The following CACNB1 variants were observed in gnomAD, a reference collection of about 807,000 sequenced individuals.
The protein encoded by CACNB1 is calcium voltage-gated channel auxiliary subunit beta 1.
Under a neutral mutation model 71.6 loss-of-function variants are expected in CACNB1, and 29 were observed. The ratio of observed to expected loss-of-function variants is 0.40; its 90% confidence interval spans 0.30 to 0.55. The LOEUF (loss-of-function observed/expected upper bound fraction) is 0.55. CACNB1 is among the 20% of genes least tolerant of loss of function. CACNB1 has a pLI of 0.38. For synonymous variants in CACNB1, 300 were observed against 319.6 expected, an observed-to-expected ratio of 0.94 and a Z score of 0.65; for missense variants, 623 against 801.8, an observed-to-expected ratio of 0.78 and a Z score of 2.69.
At chr17:39,191,731 G>A (rs766676210) in intron 2 of CACNB1, 138 bp from the exon 3 acceptor site, 5 of 755,372 alleles carry the variant, frequency 6.6e-6, no homozygotes, top group Non-Finnish European at 1.0e-5. Flanking sequence ...GCTAAGACAA[G>A]GTGGTATTAG....
chr17:39,189,765 C>T (rs555285074), intron 3 of CACNB1, among the ~76,000 whole-genome samples: 4 of 151,002 alleles, frequency 2.6e-5, no homozygotes, highest in East Asian at 2.1e-4. Context: ...CCCAAAGTGC[C>T]GGGATTACAG....
At chr17:39,185,934 A>G in intron 6 of CACNB1, 1 of 1,608,422 alleles carries the variant, frequency 6.2e-7, no homozygotes, top group Non-Finnish European at 8.5e-7. Flanking sequence ...TCTTGCAAGA[A>G]CACAGCGAGA....
Position 39,186,938 on chromosome 17 carries a change from A to T in CACNB1, c.415-9T>A, listed in dbSNP as rs1012959353. 1 of 1,613,394 alleles carries T rather than the reference A, an allele frequency of 6.2e-7. No homozygotes were observed. The highest frequency in any genetic ancestry group is 1.3e-5 in the African/African-American group (1 of 75,040). ...CAGTCATTATTGTATTTCTGCAAAGAATATGGCAGGTGGGTGGAAAGAGCA... is the reference window on the plus strand; with the variant it reads ...CAGTCATTATTGTATTTCTGCAAAGTATATGGCAGGTGGGTGGAAAGAGCA... On this transcript the variant is annotated splice_polypyrimidine_tract_variant and intron_variant, in intron 4 of 13. Transcript: ENST00000394303. This position sits in a 1 kb window ranked among gnomAD's most constrained non-coding sequence, Gnocchi z 4.1.
chr17:39,196,267 C>A (rs574569494), intron 1 of CACNB1, among the ~76,000 whole-genome samples: 43 of 152,204 alleles, frequency 2.8e-4, no homozygotes, highest in Non-Finnish European at 4.6e-4. Context: ...CAGACATATA[C>A]CCCAACTCAA....
chr17:39,187,424 C>T (rs1464948818), intron 4 of CACNB1, 55 bp downstream of exon 4: 54 of 1,608,284 alleles, frequency 3.4e-5, no homozygotes, highest in Non-Finnish European at 4.3e-5. Context: ...TCCACTAGCA[C>T]TCTGGCTGCC....
chr17:39,193,514 G>A, intron 2 of CACNB1: 1 of 444,468 alleles, frequency 2.2e-6, no homozygotes, highest in South Asian at 1.6e-5. Flanking sequence ...GCTGGCCTAG[G>A]GGGTGGCCCA....
At chr17:39,196,545 G>A (rs1039797257) in intron 1 of CACNB1, among the ~76,000 whole-genome samples, 2 of 152,126 alleles carry the variant, frequency 1.3e-5, no homozygotes, top group Non-Finnish European at 2.9e-5. Flanking sequence ...AAGAGTTAAT[G>A]CTATCCTTGG....
At chr17:39,192,394 C>G (rs147254416) in intron 2 of CACNB1, 1 of 152,264 alleles carries the variant, frequency 6.6e-6, no homozygotes, top group Non-Finnish European at 1.5e-5. Flanking sequence ...ACATGTTGCC[C>G]GTACAGACCT....
chr17:39,176,993 C>G (rs554608119), intron 13 of CACNB1: 3 of 614,346 alleles, frequency 4.9e-6, no homozygotes, highest in African/African-American at 3.8e-5. Flanking sequence ...GTCTTCCTCG[C>G]ATGTCCTTCC....
chr17:39,193,391 G>T (rs898926703), intron 2 of CACNB1: 3 of 407,060 alleles, frequency 7.4e-6, no homozygotes, highest in Non-Finnish European at 1.5e-5. Flanking sequence ...GCTGCCCTCC[G>T]TCAGCTTTCC....
rs766710425 is a variant in CACNB1 at position 39,175,252 on chromosome 17, C to G, written c.1738G>C (p.Val580Leu). 3 of 1,614,144 alleles carry G rather than the reference C, an allele frequency of 1.9e-6. No individual in the cohort carries two copies. In the Admixed American group the frequency reaches 5.0e-5, roughly 27 times the overall value. Residue 580 changes from valine (V) to leucine (L), a missense_variant, in exon 14 of 14, where the codon GTT (valine) becomes CTT (leucine). Transcript: ENST00000394303. This position sits in a 1 kb window ranked among gnomAD's most constrained non-coding sequence, Gnocchi z 4.7. ...AGCTCATTCTTGTTGCGCCCCAAAA[C>G]TGGACCCCCACCCTCAGCGCAGTAG... ...ARYCAEGGGP[V>L]LGRNKNELEG...
Position 39,175,867 on chromosome 17 carries a change from C to T in CACNB1, c.1333-210G>A, listed in dbSNP as rs2045565663. 6.6e-6 allele frequency among the ~76,000 whole-genome samples: 1 copy of T among 152,144 alleles called. No individual in the cohort carries two copies. The highest frequency in any genetic ancestry group is 2.4e-5 in the African/African-American group (1 of 41,416). ...TTTGCTCCTCTCTCGGGACAGGGGG[C>T]ACCCGACCTTCAACAGATGTGAGGA... On this transcript the variant is annotated intron_variant, in intron 13 of 13. Coordinates refer to ENST00000394303, the MANE Select transcript of CACNB1 (RefSeq NM_000723.5). The surrounding 1 kb of genome is among the most constrained non-coding windows in gnomAD (Gnocchi z 4.7).
At position 39,185,259 on chromosome 17, in the gene CACNB1, G is replaced by A. The variant is rs868479265; in HGVS notation, c.629-109C>T. ...CAGGACAAGAGAGGGAGGGAGAGCC[G>A]GGCAGACGAGGAGAGATAACAGGGC... On this transcript the variant is annotated intron_variant, in intron 6 of 13. Transcript: ENST00000394303. 27 of 832,168 alleles carry A rather than the reference G, an allele frequency of 3.2e-5. No individual in the cohort carries two copies. In the Middle Eastern group the frequency reaches 6.8e-4, roughly 21 times the overall value. The allele number at this position is 832,168 out of a possible 1,614,324, so 51.5% of individuals were successfully genotyped here.
At chr17:39,177,605 C>G in intron 12 of CACNB1, 70 bp from the exon 13 acceptor site, 1 of 1,295,820 alleles carries the variant, frequency 7.7e-7, no homozygotes. Flanking sequence ...AGGGTGTGGC[C>G]TGGGTGCAGT....
At chr17:39,187,187 C>A in intron 4 of CACNB1, 2 of 600,576 alleles carry the variant, frequency 3.3e-6, no homozygotes, top group South Asian at 4.1e-5. Flanking sequence ...CCCATGTGCC[C>A]ACCCTACTCT....
intron 4 of CACNB1, chr17:39,187,132 G>A: frequency 9.7e-6 from 6 of 619,340 alleles, no homozygotes; most frequent in Non-Finnish European, 1.7e-5. Context: ...TTCTGGCCAT[G>A]GACCACCCTG....
At chr17:39,192,086 TG>T (rs2046094889) in intron 2 of CACNB1, 1 of 170,260 alleles carries the variant, frequency 5.9e-6, no homozygotes, top group Non-Finnish European at 1.2e-5. Context: ...CCACAGATTT[TG>T]CCAGCTTCTG....
chr17:39,190,909 A>G (rs996015927), intron 3 of CACNB1, among the ~76,000 whole-genome samples: 2 of 151,944 alleles, frequency 1.3e-5, no homozygotes, highest in Non-Finnish European at 2.9e-5. Flanking sequence ...CACAGCTATT[A>G]AGAGTCAGGA....
rs201779779 is a variant in CACNB1, at chr17:39,175,173, C to T, written c.*20G>A. The T allele has an allele frequency of 1.3e-6, 2 of 1,583,804 alleles. No individual in the cohort carries two copies. Among genetic ancestry groups the T allele is most frequent in the South Asian group, 1.1e-5 (1 of 87,676 alleles). ...CCCCTGGGCTCAGAGCCCTTCCTCC[C>T]GCCGTGTGGCCCCTGCCTCTCAGCG... On this transcript the variant is annotated 3_prime_UTR_variant, in exon 14 of 14. Coordinates refer to ENST00000394303, the MANE Select transcript of CACNB1 (RefSeq NM_000723.5). The surrounding 1 kb of genome is among the most constrained non-coding windows in gnomAD (Gnocchi z 4.7).
Sources: gnomAD v4.1 joint callset for allele counts (sites outside exome capture counted in the v4.1 genomes callset) on GRCh38, gnomAD v4.1.1 for gene constraint, Gnocchi (gnomAD v3.1) non-coding constraint, MANE v1.5 for transcripts, NCBI Gene and HGNC (gene_info 2026-07-23, HGNC 2026-07-21) for gene names.